Variants in CNTN4 observed in about 807,000 individuals in gnomAD.
CNTN4 encodes the protein contactin-4.
A neutral mutation model predicts 122.5 loss-of-function variants in CNTN4; 77 were observed. The ratio of observed to expected loss-of-function variants is 0.63; its 90% CI spans 0.52 to 0.76. The LOEUF (loss-of-function observed/expected upper bound fraction) is 0.76, where lower values mean the gene tolerates loss of function less well. Among genes scored for constraint, CNTN4 ranks in the 30% least tolerant of loss-of-function variants. CNTN4 has a pLI of 0.00. For missense variants in CNTN4, 1,256 were observed against 1,259.1 expected (o/e 1.00, Z 0.04); for synonymous variants, 512 against 447.0 (o/e 1.15, Z -1.83).
At chr3:2,556,046 CTGTTTGCTAG>C (rs2078707784) in intron 3 of CNTN4, among the ~76,000 whole-genome samples, 1 of 152,158 alleles carries the variant, frequency 6.6e-6, no homozygotes. Flanking sequence ...CTGAAACCAT[CTGTTTGCTAG>C]TGTAAACATT....
rs149271329 is a variant in CNTN4, at chr3:2,952,931, G to A, written c.1358+27152G>A. 2.0e-5 allele frequency among the ~76,000 whole-genome samples: 3 copies of A among 152,288 alleles called. No homozygotes were observed. The East Asian group carries it at 5.8e-4, about 29-fold the overall frequency. On this transcript the variant is annotated intron_variant, in intron 13 of 24. Coordinates refer to ENST00000418658, the MANE Select transcript of CNTN4 (RefSeq NM_175607.3). ...ATGTGCTAGGTATTTTACATATACT[G>A]TACCTTGTATAAATCTCCCCCAAAC...
chr3:2,118,557 T>A (rs1397526868), intron 2 of CNTN4, among the ~76,000 whole-genome samples: 1 of 152,248 alleles, frequency 6.6e-6, no homozygotes, highest in African/African-American at 2.4e-5. Context: ...GATTGGTAAT[T>A]TGTGCATGTA....
intron 14 of CNTN4, among the ~76,000 whole-genome samples, chr3:3,013,637 C>T (rs1449159522): frequency 6.6e-6 from 1 of 151,384 alleles, no homozygotes; most frequent in Non-Finnish European, 1.5e-5. Flanking sequence ...GTTATGGTAA[C>T]TAAATGCAAG....
At position 2,399,542 on chromosome 3, in the gene CNTN4, GTC is replaced by G. The variant is rs200475525; in HGVS notation, c.-89+60313_-89+60314del. On this transcript the variant is annotated intron_variant, in intron 3 of 24. Coordinates refer to ENST00000418658, the MANE Select transcript of CNTN4 (RefSeq NM_175607.3). ...GTTACTAGTTACATAAGTTCTCTGAGTCTCTGTTTTTTTCTCTATTTGTAAAT... is the reference window on the plus strand; with the variant it reads ...GTTACTAGTTACATAAGTTCTCTGAGTCTGTTTTTTTCTCTATTTGTAAAT... 7.8e-3 allele frequency among the ~76,000 whole-genome samples: 1,193 copies of G among 152,040 alleles called. 20 individuals are homozygous for G. The highest frequency in any genetic ancestry group is 0.059 in the South Asian group (286 of 4,816).
At chr3:2,126,861 C>A (rs775122882) in intron 2 of CNTN4, among the ~76,000 whole-genome samples, 7 of 152,106 alleles carry the variant, frequency 4.6e-5, no homozygotes, top group Non-Finnish European at 7.3e-5. Context: ...ACGAGAAATA[C>A]TGTCCACATG....
At chr3:2,384,977 G>C (rs534710036) in intron 3 of CNTN4, among the ~76,000 whole-genome samples, 2 of 152,086 alleles carry the variant, frequency 1.3e-5, no homozygotes, top group Admixed American at 1.3e-4. Context: ...CATTTGGCTT[G>C]AAAGTCATTG....
chr3:2,286,234 C>CT (rs1307491074), intron 2 of CNTN4, among the ~76,000 whole-genome samples: 6 of 6,508 alleles, frequency 9.2e-4, no homozygotes, highest in African/African-American at 1.3e-3. Flanking sequence ...CATACACCCC[C>CT]TGCCCCCCCC....
At chr3:2,774,376 C>T (rs767350204) in intron 6 of CNTN4, among the ~76,000 whole-genome samples, 19 of 152,140 alleles carry the variant, frequency 1.2e-4, no homozygotes, top group Non-Finnish European at 2.6e-4. Context: ...TTTCCTACCG[C>T]CATTGTTCCT....
chr3:2,784,884 A>C (rs956764), intron 6 of CNTN4, among the ~76,000 whole-genome samples: 138,753 of 152,228 alleles, frequency 0.91, 63,433 homozygotes, highest in South Asian at 0.98. Flanking sequence ...CTCCTACAGA[A>C]GTAAGTGCTG....
At chr3:2,630,704 G>C (rs1247778374) in intron 4 of CNTN4, among the ~76,000 whole-genome samples, 2 of 85,304 alleles carry the variant, frequency 2.3e-5, no homozygotes, top group African/African-American at 1.7e-4. Flanking sequence ...TTAAGGGAGT[G>C]TGTGTGTGTG....
intron 3 of CNTN4, among the ~76,000 whole-genome samples, chr3:2,428,877 C>T (rs1451425300): frequency 6.6e-6 from 1 of 152,190 alleles, no homozygotes; most frequent in Non-Finnish European, 1.5e-5. Context: ...GCTACTGAAG[C>T]TTATGCATGC....
At chr3:2,721,950 G>T (rs2087882123) in intron 4 of CNTN4, among the ~76,000 whole-genome samples, 2 of 152,264 alleles carry the variant, frequency 1.3e-5, no homozygotes, top group South Asian at 4.1e-4. Context: ...TTTCCCCTTT[G>T]CTATGTGAGG....
intron 2 of CNTN4, among the ~76,000 whole-genome samples, chr3:2,113,034 A>C (rs1357832767): frequency 6.6e-6 from 1 of 152,130 alleles, no homozygotes; most frequent in African/African-American, 2.4e-5. Flanking sequence ...ATATACTTTC[A>C]ATGGAAAGGA....
chr3:2,198,599 T>C (rs1348253254), intron 2 of CNTN4, among the ~76,000 whole-genome samples: 1 of 152,186 alleles, frequency 6.6e-6, no homozygotes, highest in African/African-American at 2.4e-5. Flanking sequence ...GAGCTCTGAA[T>C]TAGCATAAAA....
intron 2 of CNTN4, among the ~76,000 whole-genome samples, chr3:2,297,481 C>T (rs1248656396): frequency 6.6e-6 from 1 of 152,160 alleles, no homozygotes; most frequent in East Asian, 1.9e-4. Context: ...ATTCCATCTC[C>T]TCAGTGCTGC....
At chr3:2,905,004 T>C (rs1566365) in intron 12 of CNTN4, among the ~76,000 whole-genome samples, 108,324 of 151,992 alleles carry the variant, frequency 0.71, 38,906 homozygotes, top group African/African-American at 0.83. Flanking sequence ...TGCCTACCCA[T>C]AGCTGAAAAT....
intron 3 of CNTN4, among the ~76,000 whole-genome samples, chr3:2,393,013 T>TA (rs1294503926): frequency 1.3e-5 from 2 of 152,210 alleles, no homozygotes; most frequent in African/African-American, 4.8e-5. Flanking sequence ...TTTATCGTCT[T>TA]ACATTTCTGG....
chr3:2,850,737 A>G (rs1577051385), intron 7 of CNTN4, among the ~76,000 whole-genome samples: 1 of 152,222 alleles, frequency 6.6e-6, no homozygotes, highest in African/African-American at 2.4e-5. Flanking sequence ...GTCATTACCT[A>G]TGCGAACCTG....
chr3:2,590,274 T>G (rs1235255704), intron 4 of CNTN4, among the ~76,000 whole-genome samples: 1 of 152,212 alleles, frequency 6.6e-6, no homozygotes, highest in Non-Finnish European at 1.5e-5. Context: ...TGTTTTGTTT[T>G]GAGACAGGGT....
Sources: gnomAD v4.1 joint callset for allele counts (sites outside exome capture counted in the v4.1 genomes callset) on GRCh38, gnomAD v4.1.1 for gene constraint, MANE v1.5 for transcripts, NCBI Gene and HGNC (gene_info 2026-07-23, HGNC 2026-07-21) for gene names.